The following CTNND2 variants were observed in gnomAD, a reference collection of about 807,000 sequenced individuals.
CTNND2 encodes catenin delta-2.
A neutral mutation model predicts 144.4 loss-of-function variants in CTNND2; 22 were observed. That is an observed-to-expected ratio of 0.15 (90% CI 0.11 to 0.22). The LOEUF is 0.22. CTNND2 is among the 10% of genes least tolerant of loss of function. The probability of loss-of-function intolerance (pLI) is 1.00; values close to 1 mark genes in which losing one functional copy is unlikely to be tolerated. For synonymous variants in CTNND2, 751 were observed against 695.6 expected (o/e 1.08, Z -1.25); for missense variants, 1,353 against 1,618.8 (o/e 0.84, Z 2.82).
intron 3 of CTNND2, among the ~76,000 whole-genome samples, chr5:11,473,031 C>A (rs1328521437): frequency 1.3e-5 from 2 of 152,038 alleles, no homozygotes; most frequent in African/African-American, 4.8e-5. Context: ...GATCGTACCA[C>A]CACACTCCAG....
intron 3 of CTNND2, among the ~76,000 whole-genome samples, chr5:11,520,041 G>T (rs1472124389): frequency 1.3e-5 from 2 of 151,212 alleles, no homozygotes; most frequent in Non-Finnish European, 2.9e-5. Flanking sequence ...TAGCTACTCG[G>T]GAGGCTGAGG....
intron 2 of CTNND2, among the ~76,000 whole-genome samples, chr5:11,623,848 A>G (rs1482642270): frequency 7.4e-6 from 1 of 134,380 alleles, no homozygotes; most frequent in East Asian, 2.2e-4. Context: ...ATATATATAT[A>G]TATATGCACC....
intron 9 of CTNND2, among the ~76,000 whole-genome samples, chr5:11,263,230 C>T (rs150830668): frequency 2.2e-4 from 34 of 152,238 alleles, no homozygotes; most frequent in African/African-American, 8.2e-4. Context: ...ACTTCTGAAA[C>T]CTTTCAAGAT....
chr5:11,346,474 C>T lies in CTNND2; in HGVS notation c.1526G>A (p.Cys509Tyr). The T allele has an allele frequency of 6.2e-7, 1 of 1,600,736 alleles. No individual in the cohort carries two copies. The highest frequency in any genetic ancestry group is 1.1e-5 in the South Asian group (1 of 88,958). ...YADPYRQLQYCPSVESPYSKS... is the reference protein window; with the variant it reads ...YADPYRQLQYYPSVESPYSKS... ...GCTGTATGGAGACTCAACAGAGGGACAATACTGCAGCTGTCGGTAGGGGTC... is the reference window on the plus strand; with the variant it reads ...GCTGTATGGAGACTCAACAGAGGGATAATACTGCAGCTGTCGGTAGGGGTC... Residue 509 changes from cysteine to tyrosine, a missense_variant, in exon 9 of 22, where the codon TGT becomes TAT. Cys to Tyr is a radical substitution (Grantham distance 194, BLOSUM62 -2). Coordinates refer to ENST00000304623, the MANE Select transcript of CTNND2 (RefSeq NM_001332.4).
chr5:11,838,739 T>G lies in CTNND2; in HGVS notation c.37+65078A>C, dbSNP rs187554958. 3.7e-3 allele frequency among the ~76,000 whole-genome samples: 562 copies of G among 152,336 alleles called. 2 individuals are homozygous for G. Among genetic ancestry groups the G allele is most frequent in the Middle Eastern group, 6.8e-3 (2 of 294 alleles). On this transcript the variant is annotated intron_variant, in intron 1 of 21. Coordinates refer to ENST00000304623, the MANE Select transcript of CTNND2 (RefSeq NM_001332.4). Reference sequence around the variant, plus strand: ...TATTACATTGCATCAATTTAAGAGATAAATTTTTTCACATTTCAATGTCTT... The same window carrying G: ...TATTACATTGCATCAATTTAAGAGAGAAATTTTTTCACATTTCAATGTCTT...
At chr5:11,283,069 T>C (rs998217725) in intron 9 of CTNND2, among the ~76,000 whole-genome samples, 3 of 152,198 alleles carry the variant, frequency 2.0e-5, no homozygotes, top group African/African-American at 4.8e-5. Flanking sequence ...CTAAAATGCT[T>C]TGACACCCTT....
chr5:11,805,597 A>T (rs374483374), intron 1 of CTNND2, among the ~76,000 whole-genome samples: 6 of 152,154 alleles, frequency 3.9e-5, no homozygotes, highest in African/African-American at 1.4e-4. Flanking sequence ...CCTTTGAAGA[A>T]AGCTAGAATA....
chr5:11,629,017 G>A (rs1781290843), intron 2 of CTNND2, among the ~76,000 whole-genome samples: 1 of 152,140 alleles, frequency 6.6e-6, no homozygotes, highest in South Asian at 2.1e-4. Flanking sequence ...TGTGGAAGGT[G>A]GATGACACAT....
intron 1 of CTNND2, among the ~76,000 whole-genome samples, chr5:11,828,729 G>A (rs900524304): frequency 6.6e-6 from 1 of 152,116 alleles, no homozygotes; most frequent in South Asian, 2.1e-4. Flanking sequence ...TATCAGCAGT[G>A]TGAAAATGGA....
chr5:11,647,568 C>T (rs1404343261), intron 2 of CTNND2, among the ~76,000 whole-genome samples: 2 of 151,770 alleles, frequency 1.3e-5, no homozygotes, highest in Non-Finnish European at 2.9e-5. Flanking sequence ...TTGTACTTCA[C>T]CTCTCTTCTA....
At chr5:11,083,211 AC>A (rs1197329216) in intron 15 of CTNND2, among the ~76,000 whole-genome samples, 1 of 152,150 alleles carries the variant, frequency 6.6e-6, no homozygotes, top group Non-Finnish European at 1.5e-5. Flanking sequence ...TAAAACAAGA[AC>A]CCTGAAAAAG....
At chr5:11,204,630 T>C (rs1663604076) in intron 10 of CTNND2, among the ~76,000 whole-genome samples, 1 of 152,176 alleles carries the variant, frequency 6.6e-6, no homozygotes, top group Admixed American at 6.5e-5. Context: ...TGCCAATGAA[T>C]TAGCTATCAT....
At chr5:11,530,472 AAT>A (rs1773653281) in intron 3 of CTNND2, among the ~76,000 whole-genome samples, 1 of 152,108 alleles carries the variant, frequency 6.6e-6, no homozygotes, top group South Asian at 2.1e-4. Context: ...CTCCGTAGTT[AAT>A]TTCCAGGAGG....
At chr5:11,865,915 A>C (rs200883878) in intron 1 of CTNND2, among the ~76,000 whole-genome samples, 3 of 149,340 alleles carry the variant, frequency 2.0e-5, no homozygotes, top group East Asian at 4.0e-4. Context: ...AAAAAAAAAA[A>C]CGAGTTCTCC....
intron 2 of CTNND2, among the ~76,000 whole-genome samples, chr5:11,580,795 C>T (rs1463492977): frequency 6.6e-6 from 1 of 152,166 alleles, no homozygotes; most frequent in Non-Finnish European, 1.5e-5. Flanking sequence ...CTTCTGGCTT[C>T]TAATTTACCA....
chr5:11,580,982 A>G (rs1778385205), intron 2 of CTNND2, among the ~76,000 whole-genome samples: 1 of 152,144 alleles, frequency 6.6e-6, no homozygotes, highest in South Asian at 2.1e-4. Flanking sequence ...CCTCTTCCAC[A>G]ACTCAAAACA....
intron 7 of CTNND2, among the ~76,000 whole-genome samples, chr5:11,368,766 C>T (rs904141863): frequency 1.3e-5 from 2 of 152,220 alleles, no homozygotes; most frequent in Non-Finnish European, 2.9e-5. Flanking sequence ...TGTCCCAGAT[C>T]TGTCTCTAAC....
At chr5:11,646,404 A>G (rs1052515927) in intron 2 of CTNND2, among the ~76,000 whole-genome samples, 6 of 152,188 alleles carry the variant, frequency 3.9e-5, no homozygotes, top group Non-Finnish European at 7.3e-5. Flanking sequence ...TTCATATTCA[A>G]CAGGGTCTGT....
In CTNND2 at chr5:11,018,061, G is replaced by C; in HGVS notation, c.3000-3C>G. On this transcript the variant is annotated splice_region_variant and splice_polypyrimidine_tract_variant and intron_variant, in intron 17 of 21. Transcript: ENST00000304623. ...CCTTGACCACTTTTGGAGAGTGTCT[G>C]ATGAAGAAAAGACAGGAAAGGCAAG... 1 of 1,610,590 alleles carries C rather than the reference G, an allele frequency of 6.2e-7. No individual in the cohort carries two copies. Among genetic ancestry groups the C allele is most frequent in the Non-Finnish European group, 8.5e-7 (1 of 1,177,006 alleles).
Sources: allele counts gnomAD v4.1 joint callset (sites outside exome capture counted in the v4.1 genomes callset), GRCh38; gene constraint gnomAD v4.1.1; transcripts MANE v1.5; gene names NCBI Gene and HGNC (gene_info 2026-07-23, HGNC 2026-07-21).